The following LPGAT1 variants were observed in gnomAD, a reference collection of about 807,000 sequenced individuals.
LPGAT1 encodes the protein lysophosphatidylglycerol acyltransferase 1.
LPGAT1 carries 11 observed loss-of-function variants against 47.5 expected under a neutral mutation model. The observed-to-expected ratio is 0.23, with a 90% CI of 0.15 to 0.38. The LOEUF (loss-of-function observed/expected upper bound fraction) is 0.38, where lower values mean the gene tolerates loss of function less well. LPGAT1 is among the 10% of genes least tolerant of loss of function. The probability of loss-of-function intolerance (pLI) is 1.00; values close to 1 mark genes in which losing one functional copy is unlikely to be tolerated. For synonymous variants in LPGAT1, 138 were observed against 144.2 expected, an observed-to-expected ratio of 0.96 and a Z score of 0.31; for missense variants, 293 against 439.0, an observed-to-expected ratio of 0.67 and a Z score of 2.97.
intron 5 of LPGAT1, among the ~76,000 whole-genome samples, chr1:211,780,761 T>TG (rs1311964079): frequency 2.0e-5 from 3 of 152,202 alleles, no homozygotes; most frequent in Non-Finnish European, 4.4e-5. Flanking sequence ...AGTATACTAA[T>TG]GAAGTTTATT....
intron 6 of LPGAT1, among the ~76,000 whole-genome samples, chr1:211,771,935 C>T (rs572264275): frequency 6.6e-6 from 1 of 152,180 alleles, no homozygotes; most frequent in Non-Finnish European, 1.5e-5. Flanking sequence ...TCTTCAAATA[C>T]TTTATTTTTA....
chr1:211,785,367 A>T (rs370307699), intron 4 of LPGAT1, among the ~76,000 whole-genome samples: 127 of 152,182 alleles, frequency 8.3e-4, no homozygotes, highest in African/African-American at 2.9e-3. Context: ...TCTCAAGAGA[A>T]TTTTTCTTTT....
chr1:211,767,356 G>A (rs1034167922), intron 6 of LPGAT1, among the ~76,000 whole-genome samples: 5 of 152,010 alleles, frequency 3.3e-5, no homozygotes, highest in African/African-American at 9.7e-5. Flanking sequence ...GGCTGATCTC[G>A]AACTCCTGAC....
chr1:211,801,120 G>A (rs897175184), intron 2 of LPGAT1, among the ~76,000 whole-genome samples: 9 of 152,322 alleles, frequency 5.9e-5, no homozygotes, highest in African/African-American at 1.9e-4. Context: ...TGAAGGGGAT[G>A]AGAAAAGCAG....
At chr1:211,812,456 C>T (rs1660022256) in intron 2 of LPGAT1, among the ~76,000 whole-genome samples, 1 of 151,916 alleles carries the variant, frequency 6.6e-6, no homozygotes, top group Non-Finnish European at 1.5e-5. Flanking sequence ...AGCAAGGAGC[C>T]CAAACCTAGA....
intron 2 of LPGAT1, among the ~76,000 whole-genome samples, chr1:211,820,615 C>T (rs939042047): frequency 5.3e-5 from 8 of 149,756 alleles, no homozygotes; most frequent in East Asian, 1.9e-4. Context: ...AAAGAAGAGA[C>T]GTTGCAGAAA....
At chr1:211,763,598 C>T (rs1381411715) in intron 6 of LPGAT1, among the ~76,000 whole-genome samples, 2 of 152,048 alleles carry the variant, frequency 1.3e-5, no homozygotes, top group East Asian at 1.9e-4. Flanking sequence ...AAGTAACATA[C>T]GTATATAATT....
intron 6 of LPGAT1, among the ~76,000 whole-genome samples, chr1:211,763,670 C>T (rs1657796007): frequency 6.6e-6 from 1 of 152,158 alleles, no homozygotes; most frequent in Non-Finnish European, 1.5e-5. Context: ...TACTTTCCTC[C>T]CTCAGACACC....
At chr1:211,791,118 T>TG (rs11388683) in intron 3 of LPGAT1, among the ~76,000 whole-genome samples, 1 of 152,228 alleles carries the variant, frequency 6.6e-6, no homozygotes. Context: ...GGATTTAATT[T>TG]TTCCACATTC....
At chr1:211,787,509 A>AAG in intron 4 of LPGAT1, 123 bp downstream of exon 4, 1 of 405,612 alleles carries the variant, frequency 2.5e-6, no homozygotes, top group African/African-American at 2.1e-5. Context: ...AAAAAAAAAA[A>AAG]GCTCCCTAAG....
In LPGAT1 at chr1:211,747,885, G is replaced by A. The variant is rs1331097068; in HGVS notation, c.*2014C>T. 1 of 152,464 alleles carries A rather than the reference G, an allele frequency of 6.6e-6. No homozygotes were observed. The highest frequency in any genetic ancestry group is 2.4e-5 in the African/African-American group (1 of 41,394). The allele number at this position is 152,464 out of a possible 1,614,324, so 9.4% of individuals were successfully genotyped here. A position where few individuals can be genotyped will look rare whatever the true frequency, so the allele number is the denominator to read the frequency against. ...AAAAAATTGCATTTTATAACAACCAGTCCCCAAACCAAACACATTAACACT... is the reference window on the plus strand; with the variant it reads ...AAAAAATTGCATTTTATAACAACCAATCCCCAAACCAAACACATTAACACT... On this transcript the variant is annotated 3_prime_UTR_variant, in exon 8 of 8. Coordinates refer to ENST00000366997, the MANE Select transcript of LPGAT1 (RefSeq NM_014873.3).
At chr1:211,763,150 A>T (rs2102505022) in intron 6 of LPGAT1, among the ~76,000 whole-genome samples, 1 of 152,354 alleles carries the variant, frequency 6.6e-6, no homozygotes, top group South Asian at 2.1e-4. Context: ...TAAAAAAGTA[A>T]GAAGAATGCT....
intron 6 of LPGAT1, among the ~76,000 whole-genome samples, chr1:211,763,224 G>C (rs1167312650): frequency 6.6e-6 from 1 of 152,180 alleles, no homozygotes; most frequent in African/African-American, 2.4e-5. Context: ...TCAGTATTAA[G>C]AGGTGAGGCC....
At chr1:211,778,341 CAAAAAAAAAAAAAAAAA>C (rs551509650) in intron 6 of LPGAT1, among the ~76,000 whole-genome samples, 1 of 33,180 alleles carries the variant, frequency 3.0e-5, no homozygotes, top group Non-Finnish European at 5.6e-5. Context: ...GACTCTGTCT[CAAAAAAAAAAAAAAAAA>C]AAAAAAAAAA....
At chr1:211,754,059 A>G (rs1403539082) in intron 6 of LPGAT1, among the ~76,000 whole-genome samples, 1 of 152,176 alleles carries the variant, frequency 6.6e-6, no homozygotes, top group Non-Finnish European at 1.5e-5. Context: ...CACTCAGCAC[A>G]CTGACATCAC....
intron 5 of LPGAT1, 43 bp from the exon 6 acceptor site, chr1:211,779,087 A>C (rs766808009): frequency 2.6e-5 from 38 of 1,487,972 alleles, no homozygotes; most frequent in Non-Finnish European, 3.3e-5. Flanking sequence ...ATCAACTTTT[A>C]TATTATCTGC....
intron 2 of LPGAT1, among the ~76,000 whole-genome samples, chr1:211,800,884 C>T (rs909182896): frequency 3.9e-5 from 6 of 152,176 alleles, no homozygotes; most frequent in Non-Finnish European, 7.4e-5. Context: ...TTCCCTTCAC[C>T]CACTAAGCTC....
chr1:211,779,517 T>C (rs1658548798), intron 5 of LPGAT1, among the ~76,000 whole-genome samples: 1 of 152,148 alleles, frequency 6.6e-6, no homozygotes, highest in Non-Finnish European at 1.5e-5. Context: ...GCAACAAAAT[T>C]AAGCATTCTT....
At position 211,808,157 on chromosome 1, in the gene LPGAT1, C is replaced by A. The variant is rs368279673; in HGVS notation, c.239-14967G>T. On this transcript the variant is annotated intron_variant, in intron 2 of 7. Coordinates refer to ENST00000366997, the MANE Select transcript of LPGAT1 (RefSeq NM_014873.3). ...GGTCGGGAGTTCGAGACCAGCCTGA[C>A]CAACATGGAGAAACCCCGTCTCTAC... Among the ~76,000 whole-genome samples, 80 of 152,144 alleles carry A rather than the reference C, an allele frequency of 5.3e-4. 1 individual carries two copies. In the East Asian group the frequency reaches 0.014, roughly 26 times the overall value.
Sources: allele counts gnomAD v4.1 joint callset (sites outside exome capture counted in the v4.1 genomes callset), GRCh38; gene constraint gnomAD v4.1.1; transcripts MANE v1.5; gene names NCBI Gene and HGNC (gene_info 2026-07-23, HGNC 2026-07-21).